The following APBA2 variants were observed in gnomAD, a reference collection of about 807,000 sequenced individuals.
The protein encoded by APBA2 is amyloid-beta A4 precursor protein-binding family A member 2.
APBA2 carries 30 observed loss-of-function variants against 75.0 expected under a neutral mutation model. That is an observed-to-expected ratio of 0.40 (90% CI 0.30 to 0.54). APBA2 has a LOEUF of 0.54. APBA2 is among the 20% of genes least tolerant of loss of function. The pLI, the probability that APBA2 is intolerant of heterozygous loss-of-function variation, is 0.49. For missense variants in APBA2, 801 were observed against 1,016.1 expected, an observed-to-expected ratio of 0.79 and a Z score of 2.88; for synonymous variants, 444 against 409.6, an observed-to-expected ratio of 1.08 and a Z score of -1.01.
At chr15:29,111,577 G>A (rs2044732293) in intron 13 of APBA2, among the ~76,000 whole-genome samples, 1 of 152,164 alleles carries the variant, frequency 6.6e-6, no homozygotes, top group Non-Finnish European at 1.5e-5. Context: ...GAGTGGCTCG[G>A]CTGCCTGGCG....
chr15:29,053,806 G>A, intron 3 of APBA2, 39 bp from the exon 4 acceptor site: 1 of 1,332,052 alleles, frequency 7.5e-7, no homozygotes, highest in South Asian at 1.4e-5. Context: ...GGGCTTTGTG[G>A]GGTTTTGACT....
At chr15:29,088,809 G>A (rs1259633337) in intron 6 of APBA2, among the ~76,000 whole-genome samples, 1 of 152,102 alleles carries the variant, frequency 6.6e-6, no homozygotes, top group Non-Finnish European at 1.5e-5. Context: ...TCTGGCCAGC[G>A]CTTCCTCCCC....
intron 2 of APBA2, among the ~76,000 whole-genome samples, chr15:28,933,470 T>C (rs1004067765): frequency 1.3e-5 from 2 of 152,166 alleles, no homozygotes; most frequent in Admixed American, 1.3e-4. Flanking sequence ...CTTTCTGTCA[T>C]GTATAATCTA....
chr15:28,901,901 G>A (rs2032877610), intron 1 of APBA2, among the ~76,000 whole-genome samples: 1 of 37,748 alleles, frequency 2.6e-5, no homozygotes, highest in African/African-American at 1.0e-4. Context: ...CCCTCGGGGA[G>A]CTTTTGATGT....
intron 2 of APBA2, among the ~76,000 whole-genome samples, chr15:28,960,462 C>CA (rs112383004): frequency 0.16 from 21,669 of 135,508 alleles, 4,948 homozygotes; most frequent in African/African-American, 0.5. Context: ...GACCTTGTCT[C>CA]AAAAAAAAAA....
chr15:28,945,943 G>A (rs1013594973), intron 2 of APBA2, among the ~76,000 whole-genome samples: 2 of 152,192 alleles, frequency 1.3e-5, no homozygotes, highest in African/African-American at 2.4e-5. Context: ...TGAGGGTTCC[G>A]CCTCATAAGG....
At chr15:28,897,584 C>T (rs2032576715) in intron 1 of APBA2, among the ~76,000 whole-genome samples, 1 of 139,208 alleles carries the variant, frequency 7.2e-6, no homozygotes, top group Non-Finnish European at 1.5e-5. Flanking sequence ...CACCACTGCA[C>T]TCCAGCCTGG....
intron 2 of APBA2, among the ~76,000 whole-genome samples, chr15:28,989,076 A>G (rs1469349425): frequency 2.0e-5 from 3 of 152,144 alleles, no homozygotes; most frequent in Non-Finnish European, 2.9e-5. Flanking sequence ...CTATTTTCAC[A>G]TATATATTTT....
chr15:28,892,425 A>G (rs143987152), intron 1 of APBA2, among the ~76,000 whole-genome samples: 99 of 152,282 alleles, frequency 6.5e-4, no homozygotes, highest in African/African-American at 2.3e-3. Context: ...CTATGTTTAG[A>G]TAGATACTTG....
chr15:28,996,736 G>A (rs1033756485), intron 3 of APBA2, among the ~76,000 whole-genome samples: 26 of 152,322 alleles, frequency 1.7e-4, no homozygotes, highest in African/African-American at 5.8e-4. Flanking sequence ...GATTCTGGGG[G>A]TTCTTATGTA....
At chr15:29,097,912 C>T (rs1337892117) in intron 8 of APBA2, among the ~76,000 whole-genome samples, 1 of 152,196 alleles carries the variant, frequency 6.6e-6, no homozygotes, top group African/African-American at 2.4e-5. Flanking sequence ...CAGTATTTAT[C>T]TTTCTGTGCC....
chr15:29,116,487 G>C (rs930489108), intron 14 of APBA2, among the ~76,000 whole-genome samples: 11 of 151,970 alleles, frequency 7.2e-5, no homozygotes, highest in African/African-American at 2.7e-4. Context: ...AATTCGCTGG[G>C]TGTGGTGGCG....
intron 1 of APBA2, among the ~76,000 whole-genome samples, chr15:28,908,122 G>C (rs1229623852): frequency 1.3e-5 from 2 of 152,122 alleles, no homozygotes; most frequent in South Asian, 2.1e-4. Context: ...TTGTCCCTGA[G>C]CTGTTTGTGG....
At chr15:28,972,485 A>G (rs2037117999) in intron 2 of APBA2, among the ~76,000 whole-genome samples, 1 of 152,388 alleles carries the variant, frequency 6.6e-6, no homozygotes, top group South Asian at 2.1e-4. Flanking sequence ...GGAAATTTAC[A>G]GAGTTGTTTA....
At chr15:28,953,842 C>T (rs769393979) in intron 2 of APBA2, among the ~76,000 whole-genome samples, 2 of 152,162 alleles carry the variant, frequency 1.3e-5, no homozygotes, top group Non-Finnish European at 2.9e-5. Context: ...CCGCTCGGTC[C>T]ACACTCCCAC....
intron 3 of APBA2, among the ~76,000 whole-genome samples, chr15:29,008,339 T>C (rs1402670568): frequency 1.3e-5 from 2 of 152,220 alleles, no homozygotes; most frequent in East Asian, 3.9e-4. Context: ...AGTGTGAATG[T>C]ACTTAGTGTC....
At chr15:28,889,456 C>A (rs1238546332) in intron 1 of APBA2, among the ~76,000 whole-genome samples, 3 of 152,228 alleles carry the variant, frequency 2.0e-5, no homozygotes, top group Non-Finnish European at 1.5e-5. Flanking sequence ...CCCAGGCCTT[C>A]AGTGGCTTTC....
chr15:29,108,940 C>T (rs755639532), intron 13 of APBA2, among the ~76,000 whole-genome samples: 6 of 152,230 alleles, frequency 3.9e-5, no homozygotes, highest in Non-Finnish European at 5.9e-5. Context: ...TTCCCCAGGC[C>T]AGAGTTCTTT....
chr15:28,993,840 T>C (rs1312698417), intron 2 of APBA2, among the ~76,000 whole-genome samples: 1 of 152,162 alleles, frequency 6.6e-6, no homozygotes, highest in African/African-American at 2.4e-5. Flanking sequence ...CCTGAGGCGC[T>C]TCTGGGCCAG....
Sources: allele counts gnomAD v4.1 joint callset (sites outside exome capture counted in the v4.1 genomes callset), GRCh38; gene constraint gnomAD v4.1.1; transcripts MANE v1.5; gene names NCBI Gene and HGNC (gene_info 2026-07-23, HGNC 2026-07-21).